RASSF3: variants seen among roughly 807,000 people sequenced by gnomAD.
The protein encoded by RASSF3 is ras association domain-containing protein 3.
RASSF3 carries 19 observed loss-of-function variants against 19.9 expected under a neutral mutation model. The observed-to-expected ratio is 0.96, with a 90% CI of 0.67 to 1.40. The LOEUF (loss-of-function observed/expected upper bound fraction) is 1.40. Ranked by LOEUF, RASSF3 falls within the 40% of genes most tolerant of loss-of-function variation. RASSF3 has a pLI of 0.00. For synonymous variants in RASSF3, 110 were observed against 104.2 expected, an observed-to-expected ratio of 1.06 and a Z score of -0.34; for missense variants, 306 against 289.8, an observed-to-expected ratio of 1.06 and a Z score of -0.41.
At chr12:64,596,232 C>T (rs1869997503) in intron 2 of RASSF3, among the ~76,000 whole-genome samples, 1 of 152,216 alleles carries the variant, frequency 6.6e-6, no homozygotes, top group Admixed American at 6.5e-5. Flanking sequence ...ACTTTTGAGT[C>T]TTCATTCTGA....
In RASSF3 at chr12:64,595,064, C is replaced by CTTTTTTT. The variant is rs1171762487; in HGVS notation, c.294+53376_294+53382dup. Among the ~76,000 whole-genome samples the CTTTTTTT allele has an allele frequency of 1.1e-3, 97 of 90,982 alleles. 3 individuals carry two copies. The highest frequency in any genetic ancestry group is 1.5e-3 in the Non-Finnish European group (73 of 49,746). 59.7% of individuals were successfully genotyped at this position (90,982 alleles called of 152,430 possible). The stretch of plus-strand genomic sequence containing the variant: ...TCTGAGATGACTTTTCATATGAAAT[C>CTTTTTTT]TTTTTTTTTTTTTTTTTTTTTTTGA... On this transcript the variant is annotated intron_variant, in intron 2 of 5. Coordinates refer to the RASSF3 transcript ENST00000637125.
chr12:64,578,190 T>C (rs1049872126), intron 2 of RASSF3, among the ~76,000 whole-genome samples: 1 of 152,068 alleles, frequency 6.6e-6, no homozygotes, highest in African/African-American at 2.4e-5. Flanking sequence ...ACCACTGCAC[T>C]CCAGCCTGGG....
chr12:64,655,173 C>T (rs1358833386), intron 1 of RASSF3, among the ~76,000 whole-genome samples: 1 of 152,192 alleles, frequency 6.6e-6, no homozygotes, highest in African/African-American at 2.4e-5. Flanking sequence ...ATGTAATGCT[C>T]ATCAGTTTTT....
At chr12:64,677,095 T>C (rs1872934934) in intron 1 of RASSF3, among the ~76,000 whole-genome samples, 1 of 152,184 alleles carries the variant, frequency 6.6e-6, no homozygotes, top group Admixed American at 6.5e-5. Context: ...ACATCCTGTT[T>C]CACATCGTTT....
chr12:64,677,737 G>T (rs1162936261), intron 1 of RASSF3, among the ~76,000 whole-genome samples: 3 of 152,216 alleles, frequency 2.0e-5, no homozygotes, highest in African/African-American at 7.2e-5. Context: ...CTAGGGCTTT[G>T]TAGGTTTAGC....
chr12:64,535,420 A>G (rs541636277), intron 1 of RASSF3, among the ~76,000 whole-genome samples: 13 of 152,232 alleles, frequency 8.5e-5, no homozygotes, highest in African/African-American at 3.1e-4. Context: ...GCTGGAGTGC[A>G]GTGGTGCAAT....
At chr12:64,648,129 T>A (rs2136188460) in intron 1 of RASSF3, among the ~76,000 whole-genome samples, 1 of 152,262 alleles carries the variant, frequency 6.6e-6, no homozygotes. Flanking sequence ...GAGATAGAAT[T>A]TGTGCCTCAA....
At chr12:64,553,225 C>T (rs538195984) in intron 2 of RASSF3, among the ~76,000 whole-genome samples, 122 of 152,254 alleles carry the variant, frequency 8.0e-4, no homozygotes, top group African/African-American at 2.7e-3. Flanking sequence ...TTTTCCTTTT[C>T]GGTAACTTTG....
At chr12:64,657,926 A>C (rs1872216707) in intron 1 of RASSF3, among the ~76,000 whole-genome samples, 1 of 152,110 alleles carries the variant, frequency 6.6e-6, no homozygotes, top group Non-Finnish European at 1.5e-5. Flanking sequence ...CTTCAAAAAA[A>C]ATTAGCCAGA....
At chr12:64,549,008 GGGAAA>G (rs1317962759) in intron 2 of RASSF3, among the ~76,000 whole-genome samples, 9 of 152,092 alleles carry the variant, frequency 5.9e-5, no homozygotes, top group African/African-American at 2.2e-4. Flanking sequence ...TTTCCCAAGT[GGGAAA>G]GGAAAGGGAA....
intron 2 of RASSF3, among the ~76,000 whole-genome samples, chr12:64,596,547 T>C (rs1280173871): frequency 6.6e-6 from 1 of 152,120 alleles, no homozygotes; most frequent in African/African-American, 2.4e-5. Flanking sequence ...CATGTGTCCC[T>C]CGCTAAATGA....
At chr12:64,686,211 C>G (rs1317494271) in intron 2 of RASSF3, among the ~76,000 whole-genome samples, 1 of 151,036 alleles carries the variant, frequency 6.6e-6, no homozygotes, top group Non-Finnish European at 1.5e-5. Flanking sequence ...CTGATAGAGA[C>G]TAAAACAGAT....
intron 1 of RASSF3, among the ~76,000 whole-genome samples, chr12:64,672,717 G>A (rs1018695631): frequency 3.3e-5 from 5 of 152,150 alleles, no homozygotes; most frequent in Non-Finnish European, 5.9e-5. Context: ...GGCTCTTGCT[G>A]TGTTGCCCAA....
At chr12:64,594,161 C>T (rs1245032) in intron 2 of RASSF3, among the ~76,000 whole-genome samples, 58,651 of 151,732 alleles carry the variant, frequency 0.39, 12,222 homozygotes, top group Non-Finnish European at 0.46. Flanking sequence ...AGTGAGACCC[C>T]ATCTCTACAA....
At chr12:64,610,438 G>A, upstream of RASSF3, 1 of 186,498 alleles carries the variant, frequency 5.4e-6, no homozygotes, top group Non-Finnish European at 1.1e-5. Flanking sequence ...GGGCGCACCG[G>A]GGCCGAGCCG....
intron 1 of RASSF3, among the ~76,000 whole-genome samples, chr12:64,625,399 G>A (rs1176680523): frequency 1.3e-5 from 2 of 151,450 alleles, no homozygotes; most frequent in Non-Finnish European, 2.9e-5. Context: ...ATGAAAGTGT[G>A]GTTTTGTTTG....
chr12:64,697,364 T>C lies in RASSF3; in HGVS notation c.*2452T>C, dbSNP rs1868399208. 2 of 152,228 alleles carry C rather than the reference T, an allele frequency of 1.3e-5. No individual in the cohort carries two copies. The highest frequency in any genetic ancestry group is 4.1e-4 in the South Asian group (2 of 4,832). 9.4% of individuals were successfully genotyped at this position (152,228 alleles called of 1,614,324 possible). On this transcript the variant is annotated 3_prime_UTR_variant, in exon 5 of 5. Transcript: ENST00000542104. ...TAAGCTTTGCTGTAATACTGTTTTC[T>C]CTTCAATATGTGATGGTACAGGAAG...
chr12:64,551,209 C>T (rs1565837670), intron 2 of RASSF3, among the ~76,000 whole-genome samples: 1 of 152,170 alleles, frequency 6.6e-6, no homozygotes, highest in African/African-American at 2.4e-5. Flanking sequence ...AGGTATACAG[C>T]CGCATATTTG....
At chr12:64,576,090 T>A (rs140220131) in intron 2 of RASSF3, among the ~76,000 whole-genome samples, 1 of 152,074 alleles carries the variant, frequency 6.6e-6, no homozygotes, top group Non-Finnish European at 1.5e-5. Flanking sequence ...GGTTTCTCCA[T>A]GTTAAAGCAA....
Sources: gnomAD v4.1 joint callset for allele counts (sites outside exome capture counted in the v4.1 genomes callset) on GRCh38, gnomAD v4.1.1 for gene constraint, MANE v1.5 for transcripts, NCBI Gene and HGNC (gene_info 2026-07-23, HGNC 2026-07-21) for gene names.